Variants in RBMS3 observed in about 807,000 individuals in gnomAD.
The protein encoded by RBMS3 is RNA binding motif single stranded interacting protein 3.
Under a neutral mutation model 66.8 loss-of-function variants are expected in RBMS3, and 27 were observed. The observed-to-expected ratio is 0.40, with a 90% CI of 0.30 to 0.56. The LOEUF is 0.56. Ranked by LOEUF, RBMS3 falls within the 20% of genes least tolerant of loss-of-function variation. RBMS3 has a pLI of 0.40. For missense variants in RBMS3, 513 were observed against 549.5 expected (o/e 0.93, Z 0.66); for synonymous variants, 188 against 183.0 (o/e 1.03, Z -0.22).
chr3:29,552,684 A>T (rs1338029928), intron 3 of RBMS3, among the ~76,000 whole-genome samples: 1 of 152,200 alleles, frequency 6.6e-6, no homozygotes, highest in Non-Finnish European at 1.5e-5. Context: ...AATTAAAAAA[A>T]ATATAATCAC....
At chr3:29,602,066 C>T (rs2048163657) in intron 4 of RBMS3, among the ~76,000 whole-genome samples, 1 of 151,962 alleles carries the variant, frequency 6.6e-6, no homozygotes. Flanking sequence ...GTGGGAGTTT[C>T]CTGGTGATTA....
At chr3:29,817,055 C>T (rs1354970066) in intron 6 of RBMS3, among the ~76,000 whole-genome samples, 2 of 152,142 alleles carry the variant, frequency 1.3e-5, no homozygotes, top group African/African-American at 2.4e-5. Context: ...CGAACCACTG[C>T]ACTCCAGCCT....
intron 4 of RBMS3, among the ~76,000 whole-genome samples, chr3:29,610,392 C>A (rs2048454615): frequency 6.6e-6 from 1 of 152,014 alleles, no homozygotes; most frequent in African/African-American, 2.4e-5. Flanking sequence ...CCTCTGTTAC[C>A]CACCTTGATG....
intron 1 of RBMS3, among the ~76,000 whole-genome samples, chr3:29,402,579 T>C (rs981421831): frequency 6.6e-6 from 1 of 152,048 alleles, no homozygotes; most frequent in Non-Finnish European, 1.5e-5. Context: ...TGTATCAATC[T>C]TTACAGAGAT....
At chr3:29,736,738 C>T (rs2054395912) in intron 4 of RBMS3, among the ~76,000 whole-genome samples, 1 of 152,148 alleles carries the variant, frequency 6.6e-6, no homozygotes, top group African/African-American at 2.4e-5. Flanking sequence ...GAAAGTTGTT[C>T]ATTTCTCAAT....
At chr3:29,943,451 T>C (rs1194585680) in intron 11 of RBMS3, among the ~76,000 whole-genome samples, 6 of 151,952 alleles carry the variant, frequency 3.9e-5, no homozygotes, top group African/African-American at 1.2e-4. Flanking sequence ...AAGCTCTTTT[T>C]TCATCTTTAA....
intron 3 of RBMS3, among the ~76,000 whole-genome samples, chr3:29,516,443 T>C (rs937179249): frequency 6.6e-6 from 1 of 151,594 alleles, no homozygotes; most frequent in Non-Finnish European, 1.5e-5. Flanking sequence ...AAGTTTTTTT[T>C]TGTTTGTTTT....
rs374539107 is a variant in RBMS3 at position 29,287,155 on chromosome 3, T to C, written c.75+5399T>C. 5.9e-5 allele frequency among the ~76,000 whole-genome samples: 9 copies of C among 152,142 alleles called. No individual in the cohort carries two copies. In the East Asian group the frequency reaches 1.5e-3, roughly 26 times the overall value. On this transcript the variant is annotated intron_variant, in intron 1 of 14. Coordinates refer to ENST00000383767, the MANE Select transcript of RBMS3 (RefSeq NM_001003793.3). ...TTGCAGTAGTGGGAAAATGTTGAACTATTTTGGATGTGCTTAGAAAATATC... is the reference window on the plus strand; with the variant it reads ...TTGCAGTAGTGGGAAAATGTTGAACCATTTTGGATGTGCTTAGAAAATATC...
intron 8 of RBMS3, among the ~76,000 whole-genome samples, chr3:29,896,856 A>T (rs1040176923): frequency 6.6e-6 from 1 of 151,694 alleles, no homozygotes; most frequent in East Asian, 1.9e-4. Flanking sequence ...TCCAGAAAAC[A>T]TTCCCATTCC....
At chr3:29,481,437 G>T (rs996498023) in intron 2 of RBMS3, among the ~76,000 whole-genome samples, 1 of 152,206 alleles carries the variant, frequency 6.6e-6, no homozygotes, top group Non-Finnish European at 1.5e-5. Context: ...GTTGATGGCA[G>T]TGAGAACCAA....
intron 4 of RBMS3, among the ~76,000 whole-genome samples, chr3:29,686,073 A>C (rs1299656511): frequency 6.6e-6 from 1 of 152,228 alleles, no homozygotes; most frequent in Non-Finnish European, 1.5e-5. Context: ...GACCTTAGAC[A>C]GGTGGCCTAA....
Position 29,465,378 on chromosome 3 carries a change from G to A in RBMS3, c.249-23063G>A, listed in dbSNP as rs150931346. On this transcript the variant is annotated intron_variant, in intron 2 of 14. Transcript: ENST00000383767. The stretch of plus-strand genomic sequence containing the variant: ...CTAACTTACAAGTGCATATTTAGAG[G>A]TGAGAACACTGTAGCACTTAAATAA... 4.9e-3 allele frequency among the ~76,000 whole-genome samples: 742 copies of A among 152,152 alleles called. 6 individuals are homozygous for A. Among genetic ancestry groups the A allele is most frequent in the African/African-American group, 0.017 (714 of 41,508 alleles).
chr3:29,375,034 A>G (rs534783607), intron 1 of RBMS3, among the ~76,000 whole-genome samples: 1 of 152,354 alleles, frequency 6.6e-6, no homozygotes, highest in Non-Finnish European at 1.5e-5. Context: ...GGCACAGAAT[A>G]GAGAACTCAG....
intron 3 of RBMS3, among the ~76,000 whole-genome samples, chr3:29,574,870 T>TTAA (rs2047065994): frequency 1.4e-5 from 2 of 143,814 alleles, no homozygotes; most frequent in African/African-American, 5.1e-5. Context: ...CACAAGAAAA[T>TTAA]TAATAAAAAC....
chr3:29,290,476 G>T lies in RBMS3; in HGVS notation c.75+8720G>T, dbSNP rs117765150. 4.7e-4 allele frequency among the ~76,000 whole-genome samples: 72 copies of T among 151,842 alleles called. 2 individuals carry two copies. The East Asian group carries it at 0.014, about 29-fold the overall frequency. Reference sequence around the variant, plus strand: ...TTTGACTTGGTGGGAACTACCCTTGGAGGGTGGTGACAGTTCATGGATTAA... The same window carrying T: ...TTTGACTTGGTGGGAACTACCCTTGTAGGGTGGTGACAGTTCATGGATTAA... On this transcript the variant is annotated intron_variant, in intron 1 of 14. Transcript: ENST00000383767.
chr3:29,776,785 C>T (rs2149403344), intron 6 of RBMS3, among the ~76,000 whole-genome samples: 1 of 152,040 alleles, frequency 6.6e-6, no homozygotes, highest in Middle Eastern at 3.4e-3. Context: ...ATAAGGTACA[C>T]ATCCTTTGCA....
intron 1 of RBMS3, among the ~76,000 whole-genome samples, chr3:29,410,184 G>A (rs567942777): frequency 6.6e-6 from 1 of 152,232 alleles, no homozygotes; most frequent in East Asian, 1.9e-4. Context: ...GCCTTCTATT[G>A]GAATGTAAAT....
At chr3:29,449,514 T>C (rs1310672409) in intron 2 of RBMS3, among the ~76,000 whole-genome samples, 3 of 152,378 alleles carry the variant, frequency 2.0e-5, no homozygotes, top group South Asian at 2.1e-4. Context: ...GTTCTTACTA[T>C]AGTAGTATAA....
chr3:29,583,898 G>GACACAC (rs145032982), intron 3 of RBMS3, among the ~76,000 whole-genome samples: 1 of 150,870 alleles, frequency 6.6e-6, no homozygotes, highest in African/African-American at 2.4e-5. Flanking sequence ...GTGGGAAATA[G>GACACAC]ACACACACAC....
Sources: gnomAD v4.1 joint callset for allele counts (sites outside exome capture counted in the v4.1 genomes callset) on GRCh38, gnomAD v4.1.1 for gene constraint, MANE v1.5 for transcripts, NCBI Gene and HGNC (gene_info 2026-07-23, HGNC 2026-07-21) for gene names.